The following NCAM1 variants were observed in gnomAD, a reference collection of about 807,000 sequenced individuals.
NCAM1 encodes the protein neural cell adhesion molecule 1, also known as antigen recognized by monoclonal antibody 5.1H11.
Under a neutral mutation model 109.8 loss-of-function variants are expected in NCAM1, and 14 were observed. That is an observed-to-expected ratio of 0.13 (90% CI 0.08 to 0.20). NCAM1 has a LOEUF of 0.20. Ranked by LOEUF, NCAM1 falls within the 10% of genes least tolerant of loss-of-function variation. The pLI is 1.00. For missense variants in NCAM1, 774 were observed against 1,109.9 expected, an observed-to-expected ratio of 0.70 and a Z score of 4.30; for synonymous variants, 418 against 442.9, an observed-to-expected ratio of 0.94 and a Z score of 0.70.
chr11:113,264,764 G>T, intron 17 of NCAM1: 1 of 985,478 alleles, frequency 1.0e-6, no homozygotes, highest in Non-Finnish European at 1.2e-6. Flanking sequence ...ACATCCCAGG[G>T]TCAGGCAGGC....
chr11:113,027,442 A>G (rs1222320416), intron 1 of NCAM1, among the ~76,000 whole-genome samples: 1 of 152,242 alleles, frequency 6.6e-6, no homozygotes, highest in Non-Finnish European at 1.5e-5. Flanking sequence ...GTCTCAGTAC[A>G]GGTATGGAAG....
intron 1 of NCAM1, among the ~76,000 whole-genome samples, chr11:113,170,017 G>A (rs1555105952): frequency 2.0e-5 from 3 of 152,148 alleles, no homozygotes; most frequent in South Asian, 4.2e-4. Context: ...CAAGTGTCTC[G>A]ATTCCTACAA....
intron 9 of NCAM1, among the ~76,000 whole-genome samples, chr11:113,222,224 C>CTA (rs1425377818): frequency 6.6e-6 from 1 of 152,186 alleles, no homozygotes; most frequent in Non-Finnish European, 1.5e-5. Flanking sequence ...TCGTGTAATG[C>CTA]TATAAATGCA....
intron 1 of NCAM1, among the ~76,000 whole-genome samples, chr11:112,981,117 T>C (rs1555068673): frequency 6.6e-6 from 1 of 151,856 alleles, no homozygotes; most frequent in African/African-American, 2.4e-5. Flanking sequence ...ATTACTACAG[T>C]AGTATCTTAT....
intron 1 of NCAM1, among the ~76,000 whole-genome samples, chr11:113,150,088 A>G (rs1942172410): frequency 6.6e-6 from 1 of 152,240 alleles, no homozygotes. Context: ...TGAAAGGAAA[A>G]TGAATACAAA....
chr11:112,986,736 A>T (rs1951316723), intron 1 of NCAM1, among the ~76,000 whole-genome samples: 1 of 151,924 alleles, frequency 6.6e-6, no homozygotes, highest in Non-Finnish European at 1.5e-5. Flanking sequence ...CTTTCATGGT[A>T]TCAGTTATGT....
intron 16 of NCAM1, among the ~76,000 whole-genome samples, chr11:113,258,704 T>A (rs560768760): frequency 6.6e-6 from 1 of 152,274 alleles, no homozygotes; most frequent in Admixed American, 6.5e-5. Flanking sequence ...TCAATTATAC[T>A]GACTTGATCT....
rs782553769 is a variant in NCAM1, at chr11:113,275,470, A to ACACG, written c.*91_*94dup. On this transcript the variant is annotated 3_prime_UTR_variant, in exon 20 of 20. Transcript: ENST00000316851. ...AGCATTTCCAACACCACAGACACAC[A>ACACG]CACGCACGCACACACACAAACACAC... is the stretch of plus-strand genomic sequence containing the variant. 4.6e-5 allele frequency: 68 copies of ACACG among 1,480,408 alleles called. No individual in the cohort carries two copies. In the African/African-American group the frequency reaches 7.3e-4, roughly 16 times the overall value. The allele number at this position is 1,480,408 out of a possible 1,614,324, so 91.7% of individuals were successfully genotyped here.
chr11:113,112,142 A>T (rs2135960955), intron 1 of NCAM1, among the ~76,000 whole-genome samples: 1 of 152,296 alleles, frequency 6.6e-6, no homozygotes, highest in Non-Finnish European at 1.5e-5. Context: ...TTTGACCTTG[A>T]ATTAGATGTA....
chr11:113,188,254 A>G (rs1158663402), intron 1 of NCAM1, among the ~76,000 whole-genome samples: 1 of 152,218 alleles, frequency 6.6e-6, no homozygotes, highest in Non-Finnish European at 1.5e-5. Flanking sequence ...TTTTATCACC[A>G]TCGTCTGTGG....
intron 1 of NCAM1, among the ~76,000 whole-genome samples, chr11:112,981,590 A>G (rs1555068782): frequency 1.3e-5 from 2 of 151,838 alleles, no homozygotes; most frequent in East Asian, 1.9e-4. Context: ...TAAAAGCACA[A>G]ATCTTTACTA....
At chr11:113,077,049 C>T (rs1352033858) in intron 1 of NCAM1, among the ~76,000 whole-genome samples, 1 of 152,158 alleles carries the variant, frequency 6.6e-6, no homozygotes, top group African/African-American at 2.4e-5. Flanking sequence ...AATCCCAAGT[C>T]ACTCATTCAA....
At chr11:113,038,227 T>C (rs1174328759) in intron 1 of NCAM1, among the ~76,000 whole-genome samples, 1 of 152,208 alleles carries the variant, frequency 6.6e-6, no homozygotes, top group Non-Finnish European at 1.5e-5. Flanking sequence ...CCTAAATCGA[T>C]GTCCCAGCCA....
At chr11:113,221,409 T>C in intron 9 of NCAM1, 84 bp downstream of exon 9, 1 of 1,372,752 alleles carries the variant, frequency 7.3e-7, no homozygotes, top group Non-Finnish European at 1.0e-6. Context: ...TAACCAGACA[T>C]GCTAAACTAA....
At chr11:113,067,969 G>A (rs1555084509) in intron 1 of NCAM1, among the ~76,000 whole-genome samples, 1 of 147,262 alleles carries the variant, frequency 6.8e-6, no homozygotes, top group Non-Finnish European at 1.5e-5. Context: ...GAAGTGCAGT[G>A]GCGCAATCTC....
intron 1 of NCAM1, among the ~76,000 whole-genome samples, chr11:113,038,289 G>A (rs1555079493): frequency 6.6e-6 from 1 of 152,092 alleles, no homozygotes; most frequent in Non-Finnish European, 1.5e-5. Flanking sequence ...TGGCCTCCTT[G>A]CCTTTTGTAG....
intron 17 of NCAM1, chr11:113,269,957 C>A: frequency 1.7e-6 from 1 of 577,798 alleles, no homozygotes; most frequent in Non-Finnish European, 3.1e-6. Context: ...AGGCTCACCC[C>A]TGTTCCCCAA....
chr11:113,087,561 T>C (rs1352234473), intron 1 of NCAM1, among the ~76,000 whole-genome samples: 1 of 152,198 alleles, frequency 6.6e-6, no homozygotes, highest in African/African-American at 2.4e-5. Flanking sequence ...CACACCTTAG[T>C]GACCCCAGAA....
At chr11:113,184,955 C>T (rs1171518782) in intron 1 of NCAM1, among the ~76,000 whole-genome samples, 3 of 151,486 alleles carry the variant, frequency 2.0e-5, no homozygotes, top group Non-Finnish European at 4.4e-5. Flanking sequence ...TATTGATGTA[C>T]TAGTCTGGGT....
Sources: allele counts gnomAD v4.1 joint callset (sites outside exome capture counted in the v4.1 genomes callset), GRCh38; gene constraint gnomAD v4.1.1; transcripts MANE v1.5; gene names NCBI Gene and HGNC (gene_info 2026-07-23, HGNC 2026-07-21).